The following ROBO1 variants were observed in gnomAD, a reference collection of about 807,000 sequenced individuals.
The protein encoded by ROBO1 is roundabout guidance receptor 1.
A neutral mutation model predicts 195.9 loss-of-function variants in ROBO1; 149 were observed. The observed-to-expected ratio is 0.76, with a 90% CI of 0.67 to 0.87. The LOEUF (loss-of-function observed/expected upper bound fraction) is 0.87, where lower values mean the gene tolerates loss of function less well. Ranked by LOEUF, ROBO1 falls within the 40% of genes least tolerant of loss-of-function variation. The pLI is 0.00. For missense variants in ROBO1, 1,933 were observed against 2,068.3 expected (o/e 0.93, Z 1.27); for synonymous variants, 816 against 733.2 (o/e 1.11, Z -1.82).
intron 2 of ROBO1, among the ~76,000 whole-genome samples, chr3:79,379,597 T>G (rs1241281633): frequency 6.6e-6 from 1 of 152,200 alleles, no homozygotes; most frequent in Non-Finnish European, 1.5e-5. Context: ...TAAAAAACCT[T>G]AAGGCTACAC....
chr3:79,672,340 A>ATGTTATCCC, intron 1 of ROBO1, among the ~76,000 whole-genome samples: 1 of 151,610 alleles, frequency 6.6e-6, no homozygotes, highest in South Asian at 2.1e-4. Flanking sequence ...ACTTTGAATA[A>ATGTTATCCC]TGTCAATCTT....
intron 4 of ROBO1, among the ~76,000 whole-genome samples, chr3:78,772,757 GAGA>G (rs1467381022): frequency 6.6e-5 from 10 of 152,006 alleles, no homozygotes; most frequent in African/African-American, 2.4e-4. Flanking sequence ...ATTTAGTATG[GAGA>G]AGGTTTGTAT....
intron 2 of ROBO1, among the ~76,000 whole-genome samples, chr3:79,419,462 T>A (rs1209242757): frequency 6.6e-6 from 1 of 152,146 alleles, no homozygotes; most frequent in Non-Finnish European, 1.5e-5. Context: ...ACGTTTGACA[T>A]GTTGAGAAAC....
chr3:79,524,192 A>T (rs1206450506), intron 2 of ROBO1, among the ~76,000 whole-genome samples: 4 of 128,490 alleles, frequency 3.1e-5, no homozygotes, highest in Admixed American at 2.3e-4. Context: ...TGTGTGACAG[A>T]GACAGAGACA....
intron 2 of ROBO1, among the ~76,000 whole-genome samples, chr3:79,353,139 AAC>A (rs1478835521): frequency 2.0e-5 from 3 of 152,168 alleles, no homozygotes; most frequent in African/African-American, 7.2e-5. Flanking sequence ...ACAGTGAGAT[AAC>A]ATTTTTTTAT....
intron 2 of ROBO1, among the ~76,000 whole-genome samples, chr3:79,447,308 T>C (rs935714849): frequency 2.0e-5 from 3 of 152,030 alleles, no homozygotes; most frequent in African/African-American, 7.2e-5. Flanking sequence ...TGAGGGACAA[T>C]AATGGAAGGC....
Position 78,614,678 on chromosome 3 carries a change from CTGGCTGGTGTTTCAGTTTCT to C in ROBO1, c.4385_4404del (p.Lys1462ArgfsTer11). 1 of 1,613,728 alleles carries C rather than the reference CTGGCTGGTGTTTCAGTTTCT, an allele frequency of 6.2e-7. No individual in the cohort carries two copies. Among genetic ancestry groups the C allele is most frequent in the Non-Finnish European group, 8.5e-7 (1 of 1,179,834 alleles). On this transcript the variant is annotated frameshift_variant, in exon 28 of 31. Transcript: ENST00000464233. LOFTEE classifies it high-confidence loss of function. ...GTGTAGGTTTCTCTGCGCAGATGTC[CTGGCTGGTGTTTCAGTTTCT>C]TGGCTGGTCTGGTTTTCTGCATTAC...
At chr3:79,268,050 A>C (rs2030156520) in intron 2 of ROBO1, among the ~76,000 whole-genome samples, 1 of 151,668 alleles carries the variant, frequency 6.6e-6, no homozygotes, top group South Asian at 2.1e-4. Flanking sequence ...TGAAAGAAAA[A>C]TAGTCAGAAA....
chr3:79,729,930 C>A (rs77073520), intron 1 of ROBO1, among the ~76,000 whole-genome samples: 1 of 152,134 alleles, frequency 6.6e-6, no homozygotes, highest in Non-Finnish European at 1.5e-5. Flanking sequence ...TTTTATGGCC[C>A]ATCCCATGAT....
chr3:78,696,737 C>T (rs1010164095), intron 8 of ROBO1, among the ~76,000 whole-genome samples: 7 of 143,718 alleles, frequency 4.9e-5, no homozygotes, highest in African/African-American at 1.5e-4. Flanking sequence ...TGTATATATA[C>T]ATATATATAT....
chr3:79,749,802 C>A (rs982135014), intron 1 of ROBO1, among the ~76,000 whole-genome samples: 4 of 152,184 alleles, frequency 2.6e-5, no homozygotes, highest in Non-Finnish European at 5.9e-5. Flanking sequence ...CCTGGATACC[C>A]AGGCAGAAGT....
chr3:79,711,942 C>A (rs1333271151), intron 1 of ROBO1, among the ~76,000 whole-genome samples: 1 of 151,718 alleles, frequency 6.6e-6, no homozygotes, highest in Non-Finnish European at 1.5e-5. Flanking sequence ...TGGGGGAGCA[C>A]TATGAACTTT....
chr3:78,724,931 T>G (rs992165763), intron 5 of ROBO1, among the ~76,000 whole-genome samples: 1 of 152,176 alleles, frequency 6.6e-6, no homozygotes, highest in African/African-American at 2.4e-5. Flanking sequence ...CGGCTGGATT[T>G]GACAGTCGAA....
intron 3 of ROBO1, among the ~76,000 whole-genome samples, chr3:79,036,202 CTT>C: frequency 6.6e-6 from 1 of 152,166 alleles, no homozygotes; most frequent in East Asian, 1.9e-4. Context: ...ATCTTTTTCT[CTT>C]TTTATTTTCC....
chr3:78,663,930 A>G (rs1405756668), intron 14 of ROBO1, among the ~76,000 whole-genome samples: 1 of 152,114 alleles, frequency 6.6e-6, no homozygotes, highest in Admixed American at 6.5e-5. Context: ...TACAGAAATA[A>G]CCACTTTATA....
At chr3:79,397,885 A>G (rs2037213333) in intron 2 of ROBO1, among the ~76,000 whole-genome samples, 1 of 152,180 alleles carries the variant, frequency 6.6e-6, no homozygotes, top group East Asian at 1.9e-4. Context: ...GGGTTTACTG[A>G]AAAACTAAAA....
chr3:79,289,715 A>C (rs1559793555), intron 2 of ROBO1, among the ~76,000 whole-genome samples: 1 of 152,226 alleles, frequency 6.6e-6, no homozygotes, highest in Admixed American at 6.5e-5. Flanking sequence ...TGCAAGAAAT[A>C]AATATTGTGA....
intron 2 of ROBO1, among the ~76,000 whole-genome samples, chr3:79,509,168 A>T (rs756828219): frequency 5.3e-5 from 8 of 152,186 alleles, no homozygotes; most frequent in African/African-American, 1.4e-4. Context: ...TTATGTACCT[A>T]AAGGAATCAC....
chr3:78,678,361 C>A (rs1170829123), intron 10 of ROBO1, among the ~76,000 whole-genome samples: 1 of 151,924 alleles, frequency 6.6e-6, no homozygotes, highest in Non-Finnish European at 1.5e-5. Context: ...ACAAAAAACC[C>A]TTCAAAAAAT....
Sources: gnomAD v4.1 joint callset for allele counts (sites outside exome capture counted in the v4.1 genomes callset) on GRCh38, gnomAD v4.1.1 for gene constraint, MANE v1.5 for transcripts, NCBI Gene and HGNC (gene_info 2026-07-23, HGNC 2026-07-21) for gene names.